The following KLHDC4 variants were observed in gnomAD, a reference collection of about 807,000 sequenced individuals.
The protein encoded by KLHDC4 is kelch domain-containing protein 4.
In KLHDC4, 90 loss-of-function variants were observed where a neutral mutation model predicts 62.4. The observed-to-expected ratio is 1.44, with a 90% confidence interval of 1.22 to 1.72. The LOEUF (loss-of-function observed/expected upper bound fraction) is 1.72, where lower values mean the gene tolerates loss of function less well. Ranked by LOEUF, KLHDC4 falls within the 40% of genes most tolerant of loss-of-function variation. The probability of loss-of-function intolerance (pLI) is 0.00; values close to 1 mark genes in which losing one functional copy is unlikely to be tolerated. For synonymous variants in KLHDC4, 386 were observed against 284.4 expected (o/e 1.36, Z -3.59); for missense variants, 1,025 against 699.7 (o/e 1.47, Z -5.25).
intron 4 of KLHDC4, among the ~76,000 whole-genome samples, chr16:87,753,932 C>T (rs1193913133): frequency 1.4e-5 from 2 of 141,854 alleles, no homozygotes; most frequent in Non-Finnish European, 3.0e-5. Context: ...GAGATCACAC[C>T]ATTGTACTCT....
chr16:87,716,339 G>A (rs528098761), intron 7 of KLHDC4, among the ~76,000 whole-genome samples: 4 of 151,998 alleles, frequency 2.6e-5, no homozygotes, highest in Admixed American at 1.3e-4. Context: ...GGATATTGAC[G>A]TAGACTCTGG....
intron 5 of KLHDC4, among the ~76,000 whole-genome samples, chr16:87,734,389 A>G (rs760230743): frequency 9.9e-5 from 15 of 152,132 alleles, no homozygotes; most frequent in Non-Finnish European, 1.6e-4. Flanking sequence ...TCTCAAACGT[A>G]AAAGGAAGCT....
downstream of KLHDC4, among the ~76,000 whole-genome samples, chr16:87,705,734 A>G (rs1284777169): frequency 1.3e-5 from 2 of 152,136 alleles, no homozygotes; most frequent in Non-Finnish European, 2.9e-5. Context: ...AGAACCGGCC[A>G]CACAATGGCG....
chr16:87,718,970 G>C (rs902737802), intron 7 of KLHDC4, among the ~76,000 whole-genome samples: 1 of 151,844 alleles, frequency 6.6e-6, no homozygotes, highest in African/African-American at 2.4e-5. Context: ...TCTGAGAAGT[G>C]AGGAGCCCCT....
rs530528590 is a variant in KLHDC4 at position 87,715,807 on chromosome 16, A to G, written c.760-1234T>C. Among the ~76,000 whole-genome samples the G allele has an allele frequency of 6.6e-5, 10 of 152,288 alleles. No homozygotes were observed. The East Asian group carries it at 1.7e-3, about 26-fold the overall frequency. On this transcript the variant is annotated intron_variant, in intron 7 of 11. Transcript: ENST00000270583. ...TGTCTGACAGTTTCTCTTCAGCTCT[A>G]TGTTCTCACAGATATTGACACAGAC...
intron 9 of KLHDC4, chr16:87,709,883 G>C: frequency 1.7e-6 from 1 of 600,244 alleles, no homozygotes; most frequent in Non-Finnish European, 2.9e-6. Flanking sequence ...TCACTCCTGG[G>C]CTGGGGCAGA....
At chr16:87,705,059 CA>C (rs1795328122), downstream of KLHDC4, among the ~76,000 whole-genome samples, 1 of 152,216 alleles carries the variant, frequency 6.6e-6, no homozygotes, top group Admixed American at 6.5e-5. Context: ...ACCCTGCAGT[CA>C]GGGGTCTGGG....
rs554641011 is a variant in KLHDC4, at chr16:87,745,293, G to A, written c.506+3380C>T. On this transcript the variant is annotated intron_variant, in intron 5 of 11. Coordinates refer to ENST00000270583, the MANE Select transcript of KLHDC4 (RefSeq NM_017566.4). ...TCCGCCTTCTGCTCTTGCAGCACCC[G>A]CCCCGGGGCCACCTCTTGGTGCCTC... 1.3e-3 allele frequency among the ~76,000 whole-genome samples: 200 copies of A among 152,026 alleles called. 2 individuals carry two copies. Among genetic ancestry groups the A allele is most frequent in the African/African-American group, 4.4e-3 (183 of 41,466 alleles).
downstream of KLHDC4, among the ~76,000 whole-genome samples, chr16:87,706,386 G>C (rs376118537): frequency 1.8e-3 from 231 of 131,828 alleles, 1 homozygote; most frequent in African/African-American, 7.1e-3. Flanking sequence ...GGTCGGCGTG[G>C]GGGGGTTGGT....
At chr16:87,764,125 T>C (rs2046266597) in intron 1 of KLHDC4, among the ~76,000 whole-genome samples, 1 of 152,224 alleles carries the variant, frequency 6.6e-6, no homozygotes, top group African/African-American at 2.4e-5. Flanking sequence ...AAGAATGGGA[T>C]ACCACTCTTG....
rs149612062 is a variant in KLHDC4 at position 87,729,884 on chromosome 16, G to C, written c.599+668C>G. ...CTCCAGGCCTCTGACTCAGAGCTGC[G>C]ATCAGCACTCTAACCAGCCCTCTAG... is the stretch of plus-strand genomic sequence containing the variant. On this transcript the variant is annotated intron_variant, in intron 6 of 11. Transcript: ENST00000270583. Among the ~76,000 whole-genome samples the C allele has an allele frequency of 6.3e-3, 958 of 152,326 alleles. 5 individuals carry two copies. The highest frequency in any genetic ancestry group is 9.8e-3 in the Non-Finnish European group (665 of 68,034).
At chr16:87,759,969 T>C (rs893406251) in intron 2 of KLHDC4, among the ~76,000 whole-genome samples, 4 of 152,044 alleles carry the variant, frequency 2.6e-5, no homozygotes, top group African/African-American at 4.8e-5. Context: ...ATTTTCCAGG[T>C]AGGTCACATC....
At chr16:87,707,451 G>A (rs994379592), downstream of KLHDC4, among the ~76,000 whole-genome samples, 2 of 152,176 alleles carry the variant, frequency 1.3e-5, no homozygotes, top group African/African-American at 4.8e-5. Flanking sequence ...CACACGAGGA[G>A]CCCCCACCAC....
chr16:87,754,616 T>C (rs1485648383), intron 4 of KLHDC4, among the ~76,000 whole-genome samples: 3 of 152,202 alleles, frequency 2.0e-5, no homozygotes, highest in Non-Finnish European at 4.4e-5. Flanking sequence ...AAATTTTCTG[T>C]GCGAGTCTAA....
intron 6 of KLHDC4, chr16:87,729,377 T>A (rs1281147247): frequency 1.3e-5 from 2 of 151,956 alleles, no homozygotes; most frequent in Non-Finnish European, 2.9e-5. Flanking sequence ...GAGGGACCAG[T>A]AGAGAAAGAG....
At chr16:87,730,492 A>G in intron 6 of KLHDC4, 60 bp downstream of exon 6, 1 of 1,359,976 alleles carries the variant, frequency 7.4e-7, no homozygotes, top group East Asian at 2.3e-5. Context: ...TGCTCTTTCT[A>G]TAAAAAGCCC....
intron 5 of KLHDC4, among the ~76,000 whole-genome samples, chr16:87,735,217 G>A (rs983108069): frequency 6.6e-6 from 1 of 151,316 alleles, no homozygotes; most frequent in Admixed American, 6.6e-5. Context: ...GGAGAATGGC[G>A]TGAACCCGGG....
chr16:87,746,093 A>G (rs149403830), intron 5 of KLHDC4, among the ~76,000 whole-genome samples: 152 of 152,028 alleles, frequency 1.0e-3, no homozygotes, highest in African/African-American at 3.6e-3. Flanking sequence ...ACAAGACCCC[A>G]TCTCTAAAAA....
chr16:87,702,337 A>G (rs2034182530), exon 1 of KLHDC4: 2 of 454,490 alleles, frequency 4.4e-6, no homozygotes, highest in Non-Finnish European at 8.9e-6. Flanking sequence ...AGGCTGAGAG[A>G]GGAAGATGGG....
Sources: allele counts gnomAD v4.1 joint callset (sites outside exome capture counted in the v4.1 genomes callset), GRCh38; gene constraint gnomAD v4.1.1; transcripts MANE v1.5; gene names NCBI Gene and HGNC (gene_info 2026-07-23, HGNC 2026-07-21).